The following EIF2S2 variants were observed in gnomAD, a reference collection of about 807,000 sequenced individuals.
The protein encoded by EIF2S2 is eukaryotic translation initiation factor 2 subunit beta.
Under a neutral mutation model 44.0 loss-of-function variants are expected in EIF2S2, and 4 were observed. The ratio of observed to expected loss-of-function variants is 0.09; its 90% CI spans 0.04 to 0.21. EIF2S2 has a LOEUF of 0.21. Ranked by LOEUF, EIF2S2 falls within the 10% of genes least tolerant of loss-of-function variation. EIF2S2 has a pLI of 1.00. For synonymous variants in EIF2S2, 108 were observed against 128.3 expected, an observed-to-expected ratio of 0.84 and a Z score of 1.07; for missense variants, 154 against 392.0, an observed-to-expected ratio of 0.39 and a Z score of 5.13.
intron 7 of EIF2S2, among the ~76,000 whole-genome samples, chr20:34,091,564 A>G (rs2122389524): frequency 6.6e-6 from 1 of 151,850 alleles, no homozygotes; most frequent in East Asian, 1.9e-4. Context: ...ACAAATACAA[A>G]AAAATTAGCC....
At position 34,088,487 on chromosome 20, in the gene EIF2S2, T is replaced by C. The variant is rs2122379312; in HGVS notation, c.*1243A>G. The stretch of plus-strand genomic sequence containing the variant: ...TGAGGGCCCTCTACTGCTTTACCCA[T>C]CACCCTCCACTGTTTTAGCCAAGGT... On this transcript the variant is annotated 3_prime_UTR_variant, in exon 9 of 9. Coordinates refer to ENST00000374980, the MANE Select transcript of EIF2S2 (RefSeq NM_003908.5). 1 of 152,712 alleles carries C rather than the reference T, an allele frequency of 6.5e-6. No individual in the cohort carries two copies. The highest frequency in any genetic ancestry group is 2.1e-4 in the South Asian group (1 of 4,828). The allele number at this position is 152,712 out of a possible 1,614,324, so 9.5% of individuals were successfully genotyped here.
chr20:34,111,283 G>A (rs1013501488), intron 1 of EIF2S2, among the ~76,000 whole-genome samples: 13 of 152,132 alleles, frequency 8.5e-5, no homozygotes, highest in Admixed American at 8.5e-4. Context: ...AACAACTTAC[G>A]GGGCCTCCCC....
chr20:34,090,212 ATAAC>A, intron 8 of EIF2S2, among the ~76,000 whole-genome samples: 1 of 152,380 alleles, frequency 6.6e-6, no homozygotes, highest in East Asian at 1.9e-4. Flanking sequence ...CCAATTTTAA[ATAAC>A]TAGGAACAAA....
Position 34,112,183 on chromosome 20 carries a change from G to T in EIF2S2, c.-73C>A, listed in dbSNP as rs967933994. The T allele has an allele frequency of 1.4e-6, 2 of 1,455,694 alleles. No individual in the cohort carries two copies. Among genetic ancestry groups the T allele is most frequent in the Non-Finnish European group, 1.8e-6 (2 of 1,086,806 alleles). The allele number at this position is 1,455,694 out of a possible 1,614,324, so 90.2% of individuals were successfully genotyped here. The stretch of plus-strand genomic sequence containing the variant: ...AGCCCCAGGCCCCGGCGGCAGCGCT[G>T]CCCCTGCCGATACCTCTCCCACCAC... On this transcript the variant is annotated 5_prime_UTR_variant, in exon 1 of 9. Coordinates refer to ENST00000374980, the MANE Select transcript of EIF2S2 (RefSeq NM_003908.5).
At chr20:34,098,374 A>G (rs2034256426) in intron 4 of EIF2S2, 124 bp downstream of exon 4, 2 of 1,043,006 alleles carry the variant, frequency 1.9e-6, no homozygotes, top group South Asian at 3.5e-5. Context: ...TTTCGCTTCC[A>G]TTATCAGTCA....
At chr20:34,111,639 C>T (rs2034413706) in intron 1 of EIF2S2, among the ~76,000 whole-genome samples, 1 of 152,184 alleles carries the variant, frequency 6.6e-6, no homozygotes, top group African/African-American at 2.4e-5. Flanking sequence ...GATACCGGCC[C>T]CGACAAGATA....
At chr20:34,110,955 A>G (rs957576592) in intron 1 of EIF2S2, among the ~76,000 whole-genome samples, 6 of 152,216 alleles carry the variant, frequency 3.9e-5, no homozygotes, top group African/African-American at 1.4e-4. Context: ...GCCACTTAGT[A>G]TTTGATCATG....
chr20:34,092,070 GA>G (rs977351032), intron 7 of EIF2S2, among the ~76,000 whole-genome samples: 4 of 152,116 alleles, frequency 2.6e-5, no homozygotes, highest in African/African-American at 9.7e-5. Flanking sequence ...ATCATAAAGT[GA>G]AACAACAAAA....
At chr20:34,094,461 A>G (rs2034204152) in intron 6 of EIF2S2, among the ~76,000 whole-genome samples, 1 of 152,222 alleles carries the variant, frequency 6.6e-6, no homozygotes, top group Admixed American at 6.5e-5. Flanking sequence ...CAAATGTGTC[A>G]AAAGTTCAAC....
At position 34,112,134 on chromosome 20, in the gene EIF2S2, C is replaced by T; in HGVS notation, c.-24G>A. 1 of 1,542,682 alleles carries T rather than the reference C, an allele frequency of 6.5e-7. No individual in the cohort carries two copies. Among genetic ancestry groups the T allele is most frequent in the Admixed American group, 2.0e-5 (1 of 50,604 alleles). On this transcript the variant is annotated 5_prime_UTR_variant, in exon 1 of 9. Coordinates refer to ENST00000374980, the MANE Select transcript of EIF2S2 (RefSeq NM_003908.5). ...ATGGCTGCGGCTCGAGTGGGCTCGG[C>T]ACGGACGGGAAGTCAGACGGGTCAG...
At chr20:34,110,844 A>C (rs186374064) in intron 1 of EIF2S2, among the ~76,000 whole-genome samples, 15 of 152,404 alleles carry the variant, frequency 9.8e-5, no homozygotes, top group Admixed American at 3.3e-4. Flanking sequence ...TTTGAAATAC[A>C]GCAGCCTAGA....
rs1413103940 is a variant in EIF2S2 at position 34,098,504 on chromosome 20, C to A, written c.427G>T (p.Asp143Tyr). The change falls in exon 4 of 9, where the codon GAT (aspartate) becomes TAT (tyrosine). Residue 143 changes from aspartate to tyrosine, a missense_variant. This residue lies in a region of EIF2S2 where 134 missense variants were observed against 225.0 expected (regional missense o/e 0.60). Coordinates refer to ENST00000374980, the MANE Select transcript of EIF2S2 (RefSeq NM_003908.5). ...FPDEDEILEK[D>Y]EALEDEDNKK... is the part of the protein sequence containing the mutation. The stretch of plus-strand genomic sequence containing the variant: ...GCTGAGTCCTCAGCATTACCTTCAT[C>A]TTTCTCTAGTATTTCATCCTCATCT... 16 of 1,613,264 alleles carry A rather than the reference C, an allele frequency of 9.9e-6. No homozygotes were observed. The highest frequency in any genetic ancestry group is 1.4e-5 in the Non-Finnish European group (16 of 1,179,788).
chr20:34,097,708 A>C (rs1300371576), intron 4 of EIF2S2, among the ~76,000 whole-genome samples, 192 bp from the exon 5 acceptor site: 2 of 152,218 alleles, frequency 1.3e-5, no homozygotes, highest in African/African-American at 4.8e-5. Context: ...TATGACTTTC[A>C]AAAAAGGCCC....
chr20:34,094,755 T>C (rs1454818969), intron 6 of EIF2S2, among the ~76,000 whole-genome samples: 2 of 151,612 alleles, frequency 1.3e-5, no homozygotes, highest in Non-Finnish European at 2.9e-5. Context: ...AACACAAATA[T>C]AGAGCAATGC....
rs4012181 is a variant in EIF2S2, at chr20:34,091,776, T to TTTGGGGG, written c.741-1175_741-1174insCCCCCAA. On this transcript the variant is annotated intron_variant, in intron 7 of 8. Transcript: ENST00000374980. Reference sequence around the variant, plus strand: ...TATTATTTATATATATTTATTTTTTTGGGGGGGGGGGGTCCAAGGGTGGAG... The same window carrying TTTGGGGG: ...TATTATTTATATATATTTATTTTTTTTTGGGGGGGGGGGGGGGGGTCCAAGGGTGGAG... Among the ~76,000 whole-genome samples the TTTGGGGG allele has an allele frequency of 1.0e-4, 10 of 95,830 alleles. 1 individual carries two copies. The highest frequency in any genetic ancestry group is 1.8e-4 in the African/African-American group (5 of 28,098). 62.9% of individuals were successfully genotyped at this position (95,830 alleles called of 152,430 possible). A position where few individuals can be genotyped will look rare whatever the true frequency, so the allele number is the denominator to read the frequency against.
At chr20:34,100,307 A>G (rs6120519) in intron 3 of EIF2S2, among the ~76,000 whole-genome samples, 96,473 of 152,028 alleles carry the variant, frequency 0.63, 31,545 homozygotes, top group South Asian at 0.85. Context: ...GAGCCACTGC[A>G]CCTGGCCAAC....
At chr20:34,098,083 C>G (rs1406579135) in intron 4 of EIF2S2, among the ~76,000 whole-genome samples, 1 of 152,034 alleles carries the variant, frequency 6.6e-6, no homozygotes, top group African/African-American at 2.4e-5. Flanking sequence ...CCCATCTCTA[C>G]TAAAAATACA....
chr20:34,092,828 C>T (rs1405956285), intron 7 of EIF2S2, among the ~76,000 whole-genome samples: 2 of 152,168 alleles, frequency 1.3e-5, no homozygotes, highest in East Asian at 3.8e-4. Flanking sequence ...TCTGTACTGC[C>T]AGTGACGCAC....
At chr20:34,110,028 G>A (rs769588091) in intron 1 of EIF2S2, among the ~76,000 whole-genome samples, 4 of 150,748 alleles carry the variant, frequency 2.7e-5, no homozygotes, top group South Asian at 2.1e-4. Flanking sequence ...TTGAACCCAG[G>A]AGGCGGTTGC....
Sources: gnomAD v4.1 joint callset for allele counts (sites outside exome capture counted in the v4.1 genomes callset) on GRCh38, gnomAD v4.1.1 for gene constraint, gnomAD v4.1.1 regional missense constraint, MANE v1.5 for transcripts, NCBI Gene and HGNC (gene_info 2026-07-23, HGNC 2026-07-21) for gene names.